Variants in CEP57L1 observed in about 807,000 individuals in gnomAD.
The protein encoded by CEP57L1 is centrosomal protein 57 like 1.
A neutral mutation model predicts 61.0 loss-of-function variants in CEP57L1; 37 were observed. The ratio of observed to expected loss-of-function variants is 0.61; its 90% confidence interval spans 0.47 to 0.80. CEP57L1 has a LOEUF of 0.80. CEP57L1 is among the 30% of genes least tolerant of loss of function. The pLI is 0.00. For missense variants in CEP57L1, 422 were observed against 524.7 expected (o/e 0.80, Z 1.91); for synonymous variants, 137 against 162.3 (o/e 0.84, Z 1.19).
intron 1 of CEP57L1, chr6:109,129,262 C>A: frequency 1.4e-6 from 1 of 727,664 alleles, no homozygotes; most frequent in Non-Finnish European, 1.8e-6. Flanking sequence ...CATTTTATCG[C>A]CTTTAGTATC....
chr6:109,134,560 C>G (rs1464461292), intron 1 of CEP57L1, among the ~76,000 whole-genome samples: 3 of 151,964 alleles, frequency 2.0e-5, no homozygotes, highest in Admixed American at 2.0e-4. Context: ...AAGTTCTGGC[C>G]AGGGCAATCA....
chr6:109,172,558 A>G lies in CEP57L1; in HGVS notation c.*9588A>G, dbSNP rs1004867405. Among the ~76,000 whole-genome samples the G allele has an allele frequency of 6.6e-6, 1 of 152,212 alleles. No individual in the cohort carries two copies. Among genetic ancestry groups the G allele is most frequent in the Non-Finnish European group, 1.5e-5 (1 of 68,042 alleles). On this transcript the variant is annotated 3_prime_UTR_variant, in exon 11 of 11. Coordinates refer to ENST00000517392, the MANE Select transcript of CEP57L1 (RefSeq NM_001271852.3). ...AATGTGAAAAGTTTACACAATCAAG[A>G]CTTGCTATGTTGATCCTTTACTGCG...
Position 109,165,342 on chromosome 6 carries a change from A to T in CEP57L1, c.*2372A>T, listed in dbSNP as rs1006458157. On this transcript the variant is annotated 3_prime_UTR_variant, in exon 11 of 11. Transcript: ENST00000517392. ...TTTGTTGTGAGGAGTTAATGAAATA[A>T]CATGGGAAAGCACCCAGCAGAAGAG... 3.9e-5 allele frequency among the ~76,000 whole-genome samples: 6 copies of T among 152,016 alleles called. No homozygotes were observed. The highest frequency in any genetic ancestry group is 1.4e-4 in the African/African-American group (6 of 41,384).
chr6:109,121,666 T>C (rs1405733821), intron 1 of CEP57L1, among the ~76,000 whole-genome samples: 1 of 152,192 alleles, frequency 6.6e-6, no homozygotes, highest in East Asian at 1.9e-4. Context: ...CCAATTTCAT[T>C]ATCAAAATCC....
intron 7 of CEP57L1, 55 bp from the exon 8 acceptor site, chr6:109,158,970 G>A (rs752103729): frequency 1.9e-5 from 30 of 1,543,130 alleles, no homozygotes; most frequent in South Asian, 9.5e-5. Context: ...TCTTCATATC[G>A]TAAATAACTT....
At chr6:109,119,141 G>C (rs1289845609) in intron 1 of CEP57L1, among the ~76,000 whole-genome samples, 2 of 152,052 alleles carry the variant, frequency 1.3e-5, no homozygotes, top group East Asian at 3.9e-4. Context: ...CACTCAGCAG[G>C]GGCAGGAGAA....
chr6:109,146,679 C>T, intron 2 of CEP57L1, 79 bp from the exon 3 acceptor site: 1 of 956,950 alleles, frequency 1.0e-6, no homozygotes, highest in Non-Finnish European at 1.5e-6. Context: ...AAATATACTG[C>T]TTATTTTTCT....
chr6:109,130,253 G>A (rs1774028678), intron 1 of CEP57L1, among the ~76,000 whole-genome samples: 11 of 152,014 alleles, frequency 7.2e-5, no homozygotes, highest in Admixed American at 7.2e-4. Context: ...TTCTGTTTCT[G>A]TAAGTTCGAC....
Position 109,149,899 on chromosome 6 carries a change from C to G in CEP57L1, c.341-219C>G, listed in dbSNP as rs929307080. ...TGAAGCAATTGTGAATGGGAGTTCACTCATGATTTGGCTCTCTGTTTGTCT... is the reference window on the plus strand; with the variant it reads ...TGAAGCAATTGTGAATGGGAGTTCAGTCATGATTTGGCTCTCTGTTTGTCT... On this transcript the variant is annotated intron_variant, in intron 3 of 10. Coordinates refer to ENST00000517392, the MANE Select transcript of CEP57L1 (RefSeq NM_001271852.3). 4.6e-5 allele frequency among the ~76,000 whole-genome samples: 7 copies of G among 152,192 alleles called. No individual in the cohort carries two copies. In the South Asian group the frequency reaches 1.5e-3, roughly 32 times the overall value.
At chr6:109,117,466 A>C (rs1327732122) in intron 1 of CEP57L1, among the ~76,000 whole-genome samples, 1 of 152,224 alleles carries the variant, frequency 6.6e-6, no homozygotes, top group African/African-American at 2.4e-5. Flanking sequence ...TAGACTGGCA[A>C]ACTGGGCCAA....
At chr6:109,118,670 G>A (rs919591237) in intron 1 of CEP57L1, among the ~76,000 whole-genome samples, 4 of 152,200 alleles carry the variant, frequency 2.6e-5, no homozygotes, top group African/African-American at 4.8e-5. Context: ...ACCAAGGAAA[G>A]CAATGTTATG....
In CEP57L1 at chr6:109,162,583, T is replaced by C. The variant is rs117021461; in HGVS notation, c.1162-166T>C. On this transcript the variant is annotated intron_variant, in intron 10 of 10. Coordinates refer to ENST00000517392, the MANE Select transcript of CEP57L1 (RefSeq NM_001271852.3). Reference sequence around the variant, plus strand: ...TTATATTTCTACCTGACAAGCACAGTGTTAGGCATGTAATAGATGTTCAAT... The same window carrying C: ...TTATATTTCTACCTGACAAGCACAGCGTTAGGCATGTAATAGATGTTCAAT... Among the ~76,000 whole-genome samples, 27 of 152,258 alleles carry C rather than the reference T, an allele frequency of 1.8e-4. 1 individual carries two copies. In the East Asian group the frequency reaches 5.2e-3, roughly 29 times the overall value.
chr6:109,108,358 A>C (rs1583383851), intron 1 of CEP57L1, among the ~76,000 whole-genome samples: 1 of 150,772 alleles, frequency 6.6e-6, no homozygotes, highest in Admixed American at 6.7e-5. Flanking sequence ...CTCCTGCCTC[A>C]CCTGCCACCA....
Position 109,163,101 on chromosome 6 carries a change from A to G in CEP57L1, c.*131A>G, listed in dbSNP as rs1718153583. 1 of 649,334 alleles carries G rather than the reference A, an allele frequency of 1.5e-6. No individual in the cohort carries two copies. Among genetic ancestry groups the G allele is most frequent in the African/African-American group, 1.8e-5 (1 of 54,264 alleles). 40.2% of individuals were successfully genotyped at this position (649,334 alleles called of 1,614,324 possible). A position where few individuals can be genotyped will look rare whatever the true frequency, so the allele number is the denominator to read the frequency against. On this transcript the variant is annotated 3_prime_UTR_variant, in exon 11 of 11. Transcript: ENST00000517392. ...TAGTTTCTATAAAACATGAAGTTGC[A>G]GTATTTAAAAATTAATGCCTAATGA...
chr6:109,146,710 T>C (rs757072852), intron 2 of CEP57L1, 48 bp from the exon 3 acceptor site: 2 of 1,234,120 alleles, frequency 1.6e-6, no homozygotes, highest in African/African-American at 3.1e-5. Flanking sequence ...TGATTGTAAG[T>C]GTTCAGAAAC....
intron 10 of CEP57L1, 26 bp from the exon 11 acceptor site, chr6:109,162,723 A>G: frequency 6.8e-7 from 1 of 1,472,942 alleles, no homozygotes; most frequent in Non-Finnish European, 9.3e-7. Flanking sequence ...TTTTGACTAA[A>G]ATGTTAGATT....
At chr6:109,115,731 A>G (rs78703420) in intron 1 of CEP57L1, among the ~76,000 whole-genome samples, 2,968 of 152,212 alleles carry the variant, frequency 0.019, 93 homozygotes, top group African/African-American at 0.068. Context: ...TGGCTTTGCT[A>G]TTCATTTTTT....
intron 1 of CEP57L1, chr6:109,129,410 C>A: frequency 1.2e-6 from 1 of 805,752 alleles, no homozygotes; most frequent in Non-Finnish European, 1.8e-6. Flanking sequence ...CTCAATTGTG[C>A]TGAGTGTCCC....
Position 109,167,274 on chromosome 6 carries a change from G to A in CEP57L1, c.*4304G>A, listed in dbSNP as rs538907805. 6.6e-6 allele frequency among the ~76,000 whole-genome samples: 1 copy of A among 152,072 alleles called. No homozygotes were observed. The highest frequency in any genetic ancestry group is 2.4e-5 in the African/African-American group (1 of 41,472). ...AATTTAAGCCTTAAAATAATGTCTG[G>A]GCCAGAGTTTGTTGTTACTTTTGCT... is the stretch of plus-strand genomic sequence containing the variant. On this transcript the variant is annotated 3_prime_UTR_variant, in exon 11 of 11. Transcript: ENST00000517392.
Sources: allele counts gnomAD v4.1 joint callset (sites outside exome capture counted in the v4.1 genomes callset), GRCh38; gene constraint gnomAD v4.1.1; transcripts MANE v1.5; gene names NCBI Gene and HGNC (gene_info 2026-07-23, HGNC 2026-07-21).